Variants in TBC1D19 observed in about 807,000 individuals in gnomAD.
The protein encoded by TBC1D19 is TBC1 domain family member 19.
A neutral mutation model predicts 89.0 loss-of-function variants in TBC1D19; 60 were observed. That is an observed-to-expected ratio of 0.67 (90% CI 0.55 to 0.84). The LOEUF is 0.84. Ranked by LOEUF, TBC1D19 falls within the 40% of genes least tolerant of loss-of-function variation. TBC1D19 has a pLI of 0.00. For missense variants in TBC1D19, 500 were observed against 610.8 expected, an observed-to-expected ratio of 0.82 and a Z score of 1.91; for synonymous variants, 189 against 199.7, an observed-to-expected ratio of 0.95 and a Z score of 0.45.
At chr4:26,831,104 T>C in the TBC1D19 span, among the ~76,000 whole-genome samples, 14 of 142,826 alleles carry the variant, frequency 9.8e-5, no homozygotes, top group African/African-American at 2.4e-4. Context: ...GAGGGCCAAC[T>C]GGAAACTTTG....
intron 20 of TBC1D19, 92 bp from the exon 21 acceptor site, chr4:26,754,778 AAGG>A: frequency 3.3e-6 from 3 of 916,158 alleles, no homozygotes; most frequent in Non-Finnish European, 4.7e-6. Context: ...AAATCCAAAG[AAGG>A]AGCTTAGTGT....
At chr4:26,723,074 A>T (rs535525422) in intron 15 of TBC1D19, among the ~76,000 whole-genome samples, 7 of 152,324 alleles carry the variant, frequency 4.6e-5, no homozygotes, top group African/African-American at 1.7e-4. Flanking sequence ...AAAGATTTTC[A>T]TCCAGAATGA....
At chr4:26,751,214 A>T (rs1718935701) in intron 19 of TBC1D19, among the ~76,000 whole-genome samples, 1 of 152,170 alleles carries the variant, frequency 6.6e-6, no homozygotes, top group Non-Finnish European at 1.5e-5. Context: ...AAAGGTTATG[A>T]GCACATAAGC....
intron 15 of TBC1D19, among the ~76,000 whole-genome samples, chr4:26,735,005 T>TATGTATATGTATATATGTATACAC (rs1717921649): frequency 6.9e-6 from 1 of 145,738 alleles, no homozygotes; most frequent in Non-Finnish European, 1.5e-5. Context: ...TGTATACACA[T>TATGTATATGTATATATGTATACAC]ATGTATATGT....
chr4:26,614,735 G>A (rs1275232548), intron 3 of TBC1D19, among the ~76,000 whole-genome samples: 3 of 152,082 alleles, frequency 2.0e-5, no homozygotes, highest in Non-Finnish European at 4.4e-5. Context: ...GGAGTGCAGT[G>A]CAATGATCTT....
At chr4:26,842,274 C>T in the TBC1D19 span, among the ~76,000 whole-genome samples, 1 of 151,698 alleles carries the variant, frequency 6.6e-6, no homozygotes, top group Non-Finnish European at 1.5e-5. Flanking sequence ...TCTCACCTGA[C>T]ATCATCCCTC....
the TBC1D19 span, among the ~76,000 whole-genome samples, chr4:26,827,999 C>T: frequency 6.6e-6 from 1 of 152,138 alleles, no homozygotes; most frequent in Admixed American, 6.5e-5. Flanking sequence ...GATGCTTTGA[C>T]AGCTATGGGG....
At chr4:26,740,576 G>A (rs1718301381) in intron 17 of TBC1D19, 1 of 822,718 alleles carries the variant, frequency 1.2e-6, no homozygotes. Context: ...CATATATTTA[G>A]GAGTTGAACA....
chr4:26,678,004 A>G (rs1378599744), intron 11 of TBC1D19, among the ~76,000 whole-genome samples: 3 of 152,166 alleles, frequency 2.0e-5, no homozygotes, highest in Admixed American at 1.3e-4. Flanking sequence ...GGGTGCTGCT[A>G]TAGATATCTG....
At chr4:26,744,842 A>G (rs1016553796) in intron 18 of TBC1D19, among the ~76,000 whole-genome samples, 1 of 152,140 alleles carries the variant, frequency 6.6e-6, no homozygotes, top group Non-Finnish European at 1.5e-5. Flanking sequence ...TTCTGCAAGT[A>G]TCGGGCAGAA....
At chr4:26,666,435 A>G (rs1305735195) in intron 9 of TBC1D19, 30 bp downstream of exon 9, 1 of 1,576,962 alleles carries the variant, frequency 6.3e-7, no homozygotes, top group East Asian at 2.2e-5. Context: ...CATATAATTA[A>G]TGATAAATGA....
chr4:26,593,243 A>G (rs970799235), intron 1 of TBC1D19, among the ~76,000 whole-genome samples: 2 of 152,208 alleles, frequency 1.3e-5, no homozygotes, highest in African/African-American at 4.8e-5. Flanking sequence ...TGGGGAAAGG[A>G]TTCCCTATTT....
the TBC1D19 span, among the ~76,000 whole-genome samples, chr4:26,766,333 G>A: frequency 0.013 from 2,052 of 152,298 alleles, 60 homozygotes; most frequent in African/African-American, 0.048. Context: ...TGAGGAACAG[G>A]AACTATACTC....
chr4:26,650,532 T>C (rs1253449414), intron 7 of TBC1D19, among the ~76,000 whole-genome samples: 3 of 152,074 alleles, frequency 2.0e-5, no homozygotes, highest in Non-Finnish European at 2.9e-5. Context: ...TGTCTGTTCA[T>C]ATCCTTCGCC....
the TBC1D19 span, among the ~76,000 whole-genome samples, chr4:26,765,446 G>A: frequency 2.0e-5 from 3 of 151,150 alleles, no homozygotes; most frequent in East Asian, 5.8e-4. Flanking sequence ...ATTCCAAAGA[G>A]GTAGGGGGGG....
chr4:26,636,455 A>G (rs1619573), intron 4 of TBC1D19, among the ~76,000 whole-genome samples: 53,522 of 147,276 alleles, frequency 0.36, 11,035 homozygotes, highest in Non-Finnish European at 0.47. Flanking sequence ...CTAAGAGATA[A>G]CTGGCCTGGA....
intron 12 of TBC1D19, among the ~76,000 whole-genome samples, chr4:26,686,507 T>A (rs1247008936): frequency 6.6e-6 from 1 of 152,188 alleles, no homozygotes; most frequent in Non-Finnish European, 1.5e-5. Context: ...CTAGTGTTTT[T>A]CAACCTTTCT....
intron 12 of TBC1D19, among the ~76,000 whole-genome samples, chr4:26,686,986 T>G (rs1483096384): frequency 6.6e-6 from 1 of 152,184 alleles, no homozygotes; most frequent in African/African-American, 2.4e-5. Context: ...GATTGTAGAC[T>G]GCTCGATGGT....
At chr4:26,746,690 A>G (rs564092575) in intron 18 of TBC1D19, among the ~76,000 whole-genome samples, 2 of 152,188 alleles carry the variant, frequency 1.3e-5, no homozygotes, top group South Asian at 4.1e-4. Context: ...CCCTGTATAT[A>G]CACCATGATG....
Sources: gnomAD v4.1 joint callset for allele counts (sites outside exome capture counted in the v4.1 genomes callset) on GRCh38, gnomAD v4.1.1 for gene constraint, MANE v1.5 for transcripts, NCBI Gene and HGNC (gene_info 2026-07-23, HGNC 2026-07-21) for gene names.